The following SRGAP2C variants were observed in gnomAD, a reference collection of about 807,000 sequenced individuals.
SRGAP2C encodes the protein SLIT-ROBO Rho GTPase activating protein 2C.
SRGAP2C carries 15 observed loss-of-function variants against 25.1 expected under a neutral mutation model. The observed-to-expected ratio is 0.60, with a 90% CI of 0.40 to 0.92. The LOEUF (loss-of-function observed/expected upper bound fraction) is 0.92. Ranked by LOEUF, SRGAP2C falls within the 40% of genes least tolerant of loss-of-function variation. The pLI is 0.00. For synonymous variants in SRGAP2C, 44 were observed against 96.6 expected (o/e 0.46, Z 3.19); for missense variants, 144 against 264.4 (o/e 0.54, Z 3.16).
chr1:121,188,362 C>T (rs1449952163), intron 2 of SRGAP2C, among the ~76,000 whole-genome samples: 1 of 152,088 alleles, frequency 6.6e-6, no homozygotes, highest in Non-Finnish European at 1.5e-5. Flanking sequence ...TGACTTGACT[C>T]ATGAATAAGA....
intron 3 of SRGAP2C, among the ~76,000 whole-genome samples, chr1:121,314,350 A>G (rs1658044127): frequency 6.6e-6 from 1 of 151,468 alleles, no homozygotes; most frequent in South Asian, 2.1e-4. Flanking sequence ...AAAGTTTTCA[A>G]CTTCTTTGCC....
chr1:121,225,714 AC>A (rs1655648858), intron 2 of SRGAP2C, among the ~76,000 whole-genome samples: 1 of 150,024 alleles, frequency 6.7e-6, no homozygotes. Context: ...ATGTTTTAAA[AC>A]TTTTTTTTTT....
intron 2 of SRGAP2C, among the ~76,000 whole-genome samples, chr1:121,235,955 A>G (rs1202980936): frequency 8.8e-5 from 10 of 114,182 alleles, no homozygotes; most frequent in African/African-American, 3.6e-4. Flanking sequence ...TGTAGTCACT[A>G]TTAATTGTTT....
rs1656535333 is a variant in SRGAP2C at position 121,258,538 on chromosome 1, T to C, written c.68-26265T>C. On this transcript the variant is annotated intron_variant, in intron 2 of 9. Coordinates refer to ENST00000367123, the MANE Select transcript of SRGAP2C (RefSeq NM_001329984.2). ...TGGAGTGCAATGGCATGACCTTGGC[T>C]CACGGCAACCTCTGCCTCCTGGGTT... 2.0e-5 allele frequency among the ~76,000 whole-genome samples: 3 copies of C among 150,944 alleles called. No homozygotes were observed. The Admixed American group carries it at 2.0e-4, about 10-fold the overall frequency.
chr1:121,314,734 G>T (rs1255679056), intron 3 of SRGAP2C, among the ~76,000 whole-genome samples: 1 of 151,526 alleles, frequency 6.6e-6, no homozygotes, highest in Non-Finnish European at 1.5e-5. Context: ...CAGTTAGGCT[G>T]CTCGGGGGTC....
intron 5 of SRGAP2C, among the ~76,000 whole-genome samples, chr1:121,366,346 A>G (rs1659322731): frequency 8.6e-6 from 1 of 116,756 alleles, no homozygotes; most frequent in Admixed American, 9.0e-5. Flanking sequence ...GGCATTTGGG[A>G]TCAGATGTTG....
chr1:121,382,035 GC>G (rs1185291579), intron 7 of SRGAP2C, among the ~76,000 whole-genome samples: 2 of 151,822 alleles, frequency 1.3e-5, no homozygotes, highest in African/African-American at 4.8e-5. Flanking sequence ...TTTGCGTAGA[GC>G]TTTTTAGTCT....
chr1:121,223,976 C>G (rs1232329169), intron 2 of SRGAP2C, among the ~76,000 whole-genome samples: 1 of 150,936 alleles, frequency 6.6e-6, no homozygotes, highest in Non-Finnish European at 1.5e-5. Context: ...AATGTCACTA[C>G]TCACCTCATT....
At chr1:121,248,433 C>T (rs1196402354) in intron 2 of SRGAP2C, among the ~76,000 whole-genome samples, 5 of 113,362 alleles carry the variant, frequency 4.4e-5, no homozygotes, top group African/African-American at 1.9e-4. Context: ...GAAATCTTTC[C>T]AGCAAAACTT....
chr1:121,284,073 A>T (rs1450188914), intron 2 of SRGAP2C, among the ~76,000 whole-genome samples: 1 of 151,978 alleles, frequency 6.6e-6, no homozygotes, highest in African/African-American at 2.4e-5. Flanking sequence ...TTAGTGAAAA[A>T]AACTCTTTCC....
At chr1:121,306,917 T>G (rs1657854536) in intron 3 of SRGAP2C, among the ~76,000 whole-genome samples, 1 of 152,078 alleles carries the variant, frequency 6.6e-6, no homozygotes. Flanking sequence ...AGAACAATAC[T>G]TATCTTTGCT....
intron 2 of SRGAP2C, among the ~76,000 whole-genome samples, chr1:121,254,739 A>AAT (rs1196769143): frequency 4.0e-5 from 6 of 148,926 alleles, no homozygotes; most frequent in South Asian, 4.3e-4. Flanking sequence ...AGAATGGGAG[A>AAT]ATGCTCTGCA....
intron 2 of SRGAP2C, among the ~76,000 whole-genome samples, chr1:121,244,070 G>A (rs1434627608): frequency 2.2e-5 from 3 of 135,210 alleles, no homozygotes; most frequent in East Asian, 4.1e-4. Flanking sequence ...GTGACTGGAG[G>A]TTATCTCACT....
chr1:121,359,808 A>G (rs1659146713), intron 4 of SRGAP2C, among the ~76,000 whole-genome samples: 1 of 152,230 alleles, frequency 6.6e-6, no homozygotes, highest in Non-Finnish European at 1.5e-5. Context: ...AAAAGAAGAT[A>G]AAAGAATAGG....
rs1320827838 is a variant in SRGAP2C, at chr1:121,328,900, A to C, written c.423+4260A>C. 7.8e-3 allele frequency among the ~76,000 whole-genome samples: 986 copies of C among 126,738 alleles called. 12 individuals are homozygous for C. The highest frequency in any genetic ancestry group is 0.011 in the Non-Finnish European group (720 of 63,218). 83.1% of individuals were successfully genotyped at this position (126,738 alleles called of 152,430 possible). ...AGACCCTGTCTGTTTAAAAAAAAAAAAAAAACAAAAAACAAAAAACAAAAC... is the reference window on the plus strand; with the variant it reads ...AGACCCTGTCTGTTTAAAAAAAAAACAAAAACAAAAAACAAAAAACAAAAC... On this transcript the variant is annotated intron_variant, in intron 4 of 9. Coordinates refer to ENST00000367123, the MANE Select transcript of SRGAP2C (RefSeq NM_001329984.2).
At chr1:121,385,654 G>A (rs1201442238) in intron 8 of SRGAP2C, among the ~76,000 whole-genome samples, 2 of 152,130 alleles carry the variant, frequency 1.3e-5, no homozygotes, top group Non-Finnish European at 2.9e-5. Flanking sequence ...CTATCCAGAT[G>A]TCTCTCTGCA....
intron 4 of SRGAP2C, among the ~76,000 whole-genome samples, chr1:121,356,856 T>A (rs1316051208): frequency 1.3e-4 from 20 of 151,640 alleles, no homozygotes; most frequent in African/African-American, 4.6e-4. Flanking sequence ...TTTGAGTTTA[T>A]TTTCTTAGTA....
chr1:121,232,648 C>T (rs2101472954), intron 2 of SRGAP2C, among the ~76,000 whole-genome samples: 1 of 151,386 alleles, frequency 6.6e-6, no homozygotes, highest in East Asian at 2.0e-4. Context: ...AGGCTCTGCA[C>T]TTTCATAGTT....
At chr1:121,307,965 G>T (rs1464132105) in intron 3 of SRGAP2C, among the ~76,000 whole-genome samples, 2 of 151,388 alleles carry the variant, frequency 1.3e-5, no homozygotes, top group Non-Finnish European at 2.9e-5. Context: ...TGCCTTTCAT[G>T]TGTAACCACA....
Sources: allele counts gnomAD v4.1 joint callset (sites outside exome capture counted in the v4.1 genomes callset), GRCh38; gene constraint gnomAD v4.1.1; transcripts MANE v1.5; gene names NCBI Gene and HGNC (gene_info 2026-07-23, HGNC 2026-07-21).